CNTN4: variants seen among roughly 807,000 people sequenced by gnomAD.
The protein encoded by CNTN4 is contactin 4, also known as contactin-4.
CNTN4 carries 77 observed loss-of-function variants against 122.5 expected under a neutral mutation model. That is an observed-to-expected ratio of 0.63 (90% confidence interval 0.52 to 0.76). The LOEUF (loss-of-function observed/expected upper bound fraction) is 0.76. Among genes scored for constraint, CNTN4 ranks in the 30% least tolerant of loss-of-function variants. The pLI is 0.00. For missense variants in CNTN4, 1,256 were observed against 1,259.1 expected (o/e 1.00, Z 0.04); for synonymous variants, 512 against 447.0 (o/e 1.15, Z -1.83).
intron 4 of CNTN4, among the ~76,000 whole-genome samples, chr3:2,594,837 G>GAGTAGTTTTT (rs1413543509): frequency 6.6e-6 from 1 of 152,158 alleles, no homozygotes; most frequent in Non-Finnish European, 1.5e-5. Context: ...TTTGCATTTA[G>GAGTAGTTTTT]AGTAGTTTTT....
chr3:2,811,407 CA>C (rs143290005), intron 6 of CNTN4, among the ~76,000 whole-genome samples: 57,391 of 123,970 alleles, frequency 0.46, 12,071 homozygotes, highest in African/African-American at 0.55. Context: ...GACTCAGTGT[CA>C]AAAAAAAAAA....
intron 6 of CNTN4, among the ~76,000 whole-genome samples, chr3:2,754,190 A>T (rs2149630271): frequency 6.6e-6 from 1 of 152,250 alleles, no homozygotes; most frequent in East Asian, 1.9e-4. Flanking sequence ...TTAATATCTA[A>T]TGACTCCAGA....
chr3:2,918,912 C>G (rs565602112), intron 12 of CNTN4, among the ~76,000 whole-genome samples: 30 of 152,154 alleles, frequency 2.0e-4, no homozygotes, highest in Non-Finnish European at 1.2e-4. Flanking sequence ...CGGGAATTTC[C>G]TGTTTTGAAC....
intron 4 of CNTN4, among the ~76,000 whole-genome samples, chr3:2,607,623 C>CACACACACACACACACACAT (rs1467974692): frequency 1.3e-5 from 2 of 151,868 alleles, no homozygotes; most frequent in African/African-American, 4.8e-5. Context: ...CACACACACA[C>CACACACACACACACACACAT]ACATAACTAA....
At chr3:2,207,672 C>A (rs1262797493) in intron 2 of CNTN4, among the ~76,000 whole-genome samples, 1 of 152,024 alleles carries the variant, frequency 6.6e-6, no homozygotes, top group Non-Finnish European at 1.5e-5. Context: ...AAGAAACCAG[C>A]AAGTGTGATG....
intron 7 of CNTN4, among the ~76,000 whole-genome samples, chr3:2,856,799 A>C (rs1471591607): frequency 6.6e-6 from 1 of 152,220 alleles, no homozygotes; most frequent in Non-Finnish European, 1.5e-5. Context: ...GAAAGCTAAA[A>C]TTAAGTAACT....
chr3:2,614,523 A>T (rs901380203), intron 4 of CNTN4, among the ~76,000 whole-genome samples: 2 of 152,186 alleles, frequency 1.3e-5, no homozygotes, highest in African/African-American at 4.8e-5. Context: ...GGGAAGACCA[A>T]ACTGGTGTAG....
chr3:2,303,300 C>A (rs2042590182), intron 2 of CNTN4, among the ~76,000 whole-genome samples: 2 of 152,070 alleles, frequency 1.3e-5, no homozygotes, highest in Admixed American at 1.3e-4. Flanking sequence ...AATACTAATT[C>A]ATCATTACAA....
At chr3:2,352,476 C>G (rs2044670193) in intron 3 of CNTN4, among the ~76,000 whole-genome samples, 1 of 152,204 alleles carries the variant, frequency 6.6e-6, no homozygotes, top group Non-Finnish European at 1.5e-5. Context: ...CCACGGGCCC[C>G]ACACTCAGAG....
chr3:2,616,032 T>G (rs2081713053), intron 4 of CNTN4, among the ~76,000 whole-genome samples: 1 of 152,008 alleles, frequency 6.6e-6, no homozygotes, highest in African/African-American at 2.4e-5. Flanking sequence ...TTTTTTTTTT[T>G]TTAACATTAA....
At position 2,705,827 on chromosome 3, in the gene CNTN4, A is replaced by T. The variant is rs1326780881; in HGVS notation, c.56-30388A>T. On this transcript the variant is annotated intron_variant, in intron 4 of 24. Transcript: ENST00000418658. ...TATATAATATATATAATATATAATAAATATATATAATATATAATATATAAT... is the reference window on the plus strand; with the variant it reads ...TATATAATATATATAATATATAATATATATATATAATATATAATATATAAT... Among the ~76,000 whole-genome samples the T allele has an allele frequency of 1.1e-4, 11 of 104,684 alleles. No individual in the cohort carries two copies. The East Asian group carries it at 1.3e-3, about 12-fold the overall frequency. 68.7% of individuals were successfully genotyped at this position (104,684 alleles called of 152,430 possible). A position where few individuals can be genotyped will look rare whatever the true frequency, so the allele number is the denominator to read the frequency against.
At chr3:2,409,740 T>C (rs2047165700) in intron 3 of CNTN4, among the ~76,000 whole-genome samples, 2 of 152,162 alleles carry the variant, frequency 1.3e-5, no homozygotes, top group African/African-American at 4.8e-5. Flanking sequence ...ATTTCAAACA[T>C]AATTAAGCAC....
intron 12 of CNTN4, among the ~76,000 whole-genome samples, chr3:2,916,739 G>T (rs1346469887): frequency 7.0e-6 from 1 of 142,662 alleles, no homozygotes; most frequent in Non-Finnish European, 1.5e-5. Flanking sequence ...CGGGGTGGCG[G>T]CCGGGCAGAG....
intron 2 of CNTN4, among the ~76,000 whole-genome samples, chr3:2,337,559 A>G (rs1364456412): frequency 2.0e-5 from 3 of 152,120 alleles, no homozygotes; most frequent in Non-Finnish European, 4.4e-5. Context: ...AGAATTGAGG[A>G]TTATATCAAT....
chr3:2,736,389 T>C (rs750625092), intron 5 of CNTN4, 48 bp downstream of exon 5: 13 of 1,554,572 alleles, frequency 8.4e-6, no homozygotes, highest in Non-Finnish European at 1.2e-5. Flanking sequence ...GTTTCTGTTA[T>C]TAAAATCAAC....
In CNTN4 at chr3:2,841,083, A is replaced by G. The variant is rs1406872793; in HGVS notation, c.454+21502A>G. Among the ~76,000 whole-genome samples the G allele has an allele frequency of 6.6e-6, 1 of 152,210 alleles. No individual in the cohort carries two copies. Among genetic ancestry groups the G allele is most frequent in the African/African-American group, 2.4e-5 (1 of 41,458 alleles). On this transcript the variant is annotated intron_variant, in intron 7 of 24. Coordinates refer to ENST00000418658, the MANE Select transcript of CNTN4 (RefSeq NM_175607.3). This position sits in a 1 kb window ranked among gnomAD's most constrained non-coding sequence, Gnocchi z 4.8. ...AAGTCAAGGATCTTCAAAATCATAC[A>G]TGACTGATACCAATCTCATCATTGG...
At chr3:2,884,624 T>A (rs958812897) in intron 9 of CNTN4, among the ~76,000 whole-genome samples, 6 of 152,176 alleles carry the variant, frequency 3.9e-5, no homozygotes, top group African/African-American at 1.4e-4. Context: ...TATTTTTATT[T>A]TAAAGTATTT....
chr3:2,879,851 A>T (rs1279052584), intron 8 of CNTN4, among the ~76,000 whole-genome samples: 2 of 152,204 alleles, frequency 1.3e-5, no homozygotes, highest in Non-Finnish European at 2.9e-5. Context: ...TATGTAAATT[A>T]TACCTTAAAA....
intron 3 of CNTN4, among the ~76,000 whole-genome samples, chr3:2,391,253 T>G (rs550420646): frequency 2.6e-5 from 4 of 152,164 alleles, no homozygotes; most frequent in Non-Finnish European, 5.9e-5. Flanking sequence ...TGAAACAGAG[T>G]GCATAATAAG....
Sources: allele counts gnomAD v4.1 joint callset (sites outside exome capture counted in the v4.1 genomes callset), GRCh38; gene constraint gnomAD v4.1.1; non-coding constraint Gnocchi (gnomAD v3.1); transcripts MANE v1.5; gene names NCBI Gene and HGNC (gene_info 2026-07-23, HGNC 2026-07-21).